MTMR2: variants seen among roughly 807,000 people sequenced by gnomAD.
The protein encoded by MTMR2 is myotubularin related protein 2.
A neutral mutation model predicts 86.9 loss-of-function variants in MTMR2; 55 were observed. The ratio of observed to expected loss-of-function variants is 0.63; its 90% CI spans 0.51 to 0.79. MTMR2 has a LOEUF of 0.79. MTMR2 is among the 30% of genes least tolerant of loss of function. MTMR2 has a pLI of 0.00. For missense variants in MTMR2, 659 were observed against 772.3 expected (o/e 0.85, Z 1.74); for synonymous variants, 241 against 266.8 (o/e 0.90, Z 0.94).
chr11:95,843,082 T>C (rs1369239492), intron 11 of MTMR2, among the ~76,000 whole-genome samples: 1 of 148,688 alleles, frequency 6.7e-6, no homozygotes, highest in Non-Finnish European at 1.5e-5. Context: ...CTTAAAGACT[T>C]TTTTTTTTTG....
At chr11:95,920,127 T>C (rs1565392818) in intron 1 of MTMR2, among the ~76,000 whole-genome samples, 1 of 152,278 alleles carries the variant, frequency 6.6e-6, no homozygotes, top group South Asian at 2.1e-4. Flanking sequence ...CCAACAAAAG[T>C]AAAATTACAG....
Position 95,847,764 on chromosome 11 carries a change from T to C in MTMR2, c.1129A>G (p.Thr377Ala), listed in dbSNP as rs749090978. Residue 377 changes from threonine to alanine, a missense_variant, in exon 10 of 15, where the codon ACC becomes GCC. Transcript: ENST00000346299. ...GATTCCAAGTTAGACAACCAGTGGGTTTCCTCAATGTTGGGGTACACAATC... is the reference window on the plus strand; with the variant it reads ...GATTCCAAGTTAGACAACCAGTGGGCTTCCTCAATGTTGGGGTACACAATC... ...KEIVYPNIEE[T>A]HWLSNLESTH... is the part of the protein sequence containing the mutation. 5 of 1,613,502 alleles carry C rather than the reference T, an allele frequency of 3.1e-6. No individual in the cohort carries two copies. The African/African-American group carries it at 4.0e-5, about 13-fold the overall frequency.
Position 95,836,256 on chromosome 11 carries a change from AG to A in MTMR2, c.1661del (p.Pro554LeufsTer14), listed in dbSNP as rs1863276967. ...INSQLEDFTNPLYGSYSNHVL... is the reference protein window; with the variant it reads ...INSQLEDFTNXLYGSYSNHVL... The stretch of plus-strand genomic sequence containing the variant: ...CATGATTGGAATAGCTCCCATAGAG[AG>A]GATTAGTGAAGTCTTCCAGCTGGCT... On this transcript the variant is annotated frameshift_variant, in exon 14 of 15. Coordinates refer to ENST00000346299, the MANE Select transcript of MTMR2 (RefSeq NM_016156.6). LOFTEE classifies it high-confidence loss of function. 1 of 1,612,900 alleles carries A rather than the reference AG, an allele frequency of 6.2e-7. No individual in the cohort carries two copies. The highest frequency in any genetic ancestry group is 1.1e-5 in the South Asian group (1 of 91,060).
chr11:95,862,769 C>G (rs1305592048), intron 3 of MTMR2, among the ~76,000 whole-genome samples: 2 of 152,162 alleles, frequency 1.3e-5, no homozygotes, highest in Non-Finnish European at 2.9e-5. Flanking sequence ...GTAACCTCAC[C>G]AATTTCCTGT....
rs753613535 is a variant in MTMR2 at position 95,849,102 on chromosome 11, TTCTC to T, written c.993+568_993+571del. Among the ~76,000 whole-genome samples, 76 of 152,176 alleles carry T rather than the reference TTCTC, an allele frequency of 5.0e-4. 1 individual carries two copies. The highest frequency in any genetic ancestry group is 1.9e-4 in the Non-Finnish European group (13 of 68,026). Reference sequence around the variant, plus strand: ...TGGTACCTGCTGCTGTAGTTATGTCTTCTCTCTCCTTCCCTCCTCCTATAGATTT... The same window carrying T: ...TGGTACCTGCTGCTGTAGTTATGTCTTCTCCTTCCCTCCTCCTATAGATTT... On this transcript the variant is annotated intron_variant, in intron 9 of 14. Coordinates refer to ENST00000346299, the MANE Select transcript of MTMR2 (RefSeq NM_016156.6).
At chr11:95,882,866 G>C (rs1260183907) in intron 2 of MTMR2, among the ~76,000 whole-genome samples, 1 of 146,632 alleles carries the variant, frequency 6.8e-6, no homozygotes, top group African/African-American at 2.5e-5. Context: ...GGGACTACAG[G>C]CGCCCGCCAC....
chr11:95,872,484 A>C (rs2135505496), intron 2 of MTMR2, among the ~76,000 whole-genome samples: 1 of 152,192 alleles, frequency 6.6e-6, no homozygotes, highest in South Asian at 2.1e-4. Context: ...ACTTTGCTGA[A>C]GTTGCTTATC....
In MTMR2 at chr11:95,847,860, T is replaced by A; in HGVS notation, c.1033A>T (p.Asn345Tyr). ...GGYESEDAYQNAELVFLDIHN... is the reference protein window; with the variant it reads ...GGYESEDAYQYAELVFLDIHN... ...ATATCCAGGAAAACTAGTTCAGCAT[T>A]TTGATAGGCATCTTCACTTTCATAA... The change falls in exon 10 of 15, where the codon AAT becomes TAT. Residue 345 changes from asparagine (N) to tyrosine (Y), a missense_variant. Asn to Tyr is a moderately radical substitution (Grantham distance 143). Around this residue, in one of 3 missense-constraint regions of MTMR2, gnomAD observed 387 missense variants for 526.3 expected, o/e 0.74. Transcript: ENST00000346299. The A allele has an allele frequency of 6.2e-7, 1 of 1,613,796 alleles. No individual in the cohort carries two copies.
At chr11:95,891,545 G>T (rs995949389) in intron 1 of MTMR2, among the ~76,000 whole-genome samples, 12 of 151,972 alleles carry the variant, frequency 7.9e-5, no homozygotes, top group Non-Finnish European at 1.6e-4. Context: ...ACAAATCCAG[G>T]TACTGCAACT....
At chr11:95,872,921 G>A (rs1475836576) in intron 2 of MTMR2, among the ~76,000 whole-genome samples, 1 of 152,202 alleles carries the variant, frequency 6.6e-6, no homozygotes, top group Admixed American at 6.5e-5. Flanking sequence ...TACGTTTATT[G>A]ATTTGTGTAT....
At chr11:95,923,680 G>A in intron 1 of MTMR2, 195 bp downstream of exon 1, 4 of 1,428,078 alleles carry the variant, frequency 2.8e-6, no homozygotes, top group Non-Finnish European at 3.7e-6. Flanking sequence ...TAAAGAAGCA[G>A]CGAGTTTTAA....
chr11:95,837,964 A>G (rs1565343893), intron 13 of MTMR2, 130 bp downstream of exon 13: 3 of 692,446 alleles, frequency 4.3e-6, no homozygotes, highest in East Asian at 2.8e-5. Flanking sequence ...GAAGCCCTCA[A>G]TATTATAGCA....
At chr11:95,904,718 G>T (rs1326893787) in intron 1 of MTMR2, among the ~76,000 whole-genome samples, 1 of 152,152 alleles carries the variant, frequency 6.6e-6, no homozygotes, top group Non-Finnish European at 1.5e-5. Flanking sequence ...CAGCCCTTGG[G>T]GCTGCTCTGC....
At chr11:95,850,153 T>A (rs1441953747) in intron 8 of MTMR2, among the ~76,000 whole-genome samples, 1 of 151,952 alleles carries the variant, frequency 6.6e-6, no homozygotes, top group African/African-American at 2.4e-5. Context: ...CCCCACTTAA[T>A]ATATTAGTAA....
intron 2 of MTMR2, among the ~76,000 whole-genome samples, chr11:95,886,054 G>C (rs1865501712): frequency 6.6e-6 from 1 of 152,062 alleles, no homozygotes; most frequent in African/African-American, 2.4e-5. Flanking sequence ...AAAAAAGTCT[G>C]AGAAACTGTC....
At chr11:95,917,889 G>A (rs1051365665) in intron 1 of MTMR2, among the ~76,000 whole-genome samples, 1 of 152,150 alleles carries the variant, frequency 6.6e-6, no homozygotes, top group South Asian at 2.1e-4. Flanking sequence ...CATGTGGTTC[G>A]AGGGTCAACT....
chr11:95,905,176 A>G (rs756233166), intron 1 of MTMR2, among the ~76,000 whole-genome samples: 5 of 151,992 alleles, frequency 3.3e-5, no homozygotes, highest in Non-Finnish European at 5.9e-5. Context: ...CCTTAACCTC[A>G]TAACACTGGA....
At chr11:95,849,073 G>A (rs1407323585) in intron 9 of MTMR2, among the ~76,000 whole-genome samples, 2 of 152,122 alleles carry the variant, frequency 1.3e-5, no homozygotes, top group East Asian at 3.9e-4. Context: ...GCGCTTTTCA[G>A]TAATGGTACC....
intron 2 of MTMR2, among the ~76,000 whole-genome samples, chr11:95,881,127 CCT>C (rs1491228303): frequency 6.6e-6 from 1 of 151,012 alleles, no homozygotes; most frequent in African/African-American, 2.4e-5. Flanking sequence ...AGAAATTCAA[CCT>C]TTTTTTTTTT....
Sources: allele counts gnomAD v4.1 joint callset (sites outside exome capture counted in the v4.1 genomes callset), GRCh38; gene constraint gnomAD v4.1.1; regional missense constraint gnomAD v4.1.1; transcripts MANE v1.5; gene names NCBI Gene and HGNC (gene_info 2026-07-23, HGNC 2026-07-21).